RBM6: variants seen among roughly 807,000 people sequenced by gnomAD.
RBM6 encodes the protein RNA binding motif protein 6, also known as RNA-binding protein 6.
A neutral mutation model predicts 140.4 loss-of-function variants in RBM6; 23 were observed. That is an observed-to-expected ratio of 0.16 (90% confidence interval 0.12 to 0.23). The LOEUF is 0.23. Among genes scored for constraint, RBM6 ranks in the 10% least tolerant of loss-of-function variants. RBM6 has a pLI of 1.00. For missense variants in RBM6, 1,139 were observed against 1,386.7 expected, an observed-to-expected ratio of 0.82 and a Z score of 2.84; for synonymous variants, 439 against 475.6, an observed-to-expected ratio of 0.92 and a Z score of 1.00.
intron 1 of RBM6, among the ~76,000 whole-genome samples, chr3:49,949,377 G>C (rs2083632781): frequency 6.6e-6 from 1 of 151,642 alleles, no homozygotes; most frequent in South Asian, 2.1e-4. Context: ...AAATCCTTCA[G>C]GACAACATTT....
At chr3:50,013,655 G>T (rs1306182650) in intron 6 of RBM6, among the ~76,000 whole-genome samples, 2 of 152,118 alleles carry the variant, frequency 1.3e-5, no homozygotes, top group Non-Finnish European at 2.9e-5. Flanking sequence ...CGACAGCGAG[G>T]CTCTGTCTCA....
intron 6 of RBM6, among the ~76,000 whole-genome samples, chr3:50,007,768 C>T (rs1187202337): frequency 2.0e-5 from 3 of 151,262 alleles, no homozygotes; most frequent in Admixed American, 6.6e-5. Context: ...CTCCTGACCT[C>T]GTGATCCACC....
At chr3:50,009,909 A>G (rs1575679346) in intron 6 of RBM6, among the ~76,000 whole-genome samples, 1 of 151,790 alleles carries the variant, frequency 6.6e-6, no homozygotes, top group Admixed American at 6.6e-5. Flanking sequence ...ATTTTTTGAG[A>G]CAGAGTTTTG....
At chr3:49,958,586 C>T (rs1575546617) in intron 1 of RBM6, among the ~76,000 whole-genome samples, 2 of 145,384 alleles carry the variant, frequency 1.4e-5, no homozygotes. Context: ...AAACAAAAAA[C>T]AAAAAACCAC....
rs1280510499 is a variant in RBM6 at position 50,077,142 on chromosome 3, A to C, written c.*9A>C. On this transcript the variant is annotated 3_prime_UTR_variant, in exon 21 of 21. Coordinates refer to ENST00000266022, the MANE Select transcript of RBM6 (RefSeq NM_005777.3). ...ATAAAGAACTCGATTAAGAAAGGAGACAAGTTCCATGGGATACAACCTCCC... is the reference window on the plus strand; with the variant it reads ...ATAAAGAACTCGATTAAGAAAGGAGCCAAGTTCCATGGGATACAACCTCCC... 4.1e-5 allele frequency: 66 copies of C among 1,607,534 alleles called. No homozygotes were observed. Among genetic ancestry groups the C allele is most frequent in the Non-Finnish European group, 5.5e-5 (65 of 1,177,808 alleles).
At chr3:50,076,248 C>T (rs561923707) in intron 20 of RBM6, among the ~76,000 whole-genome samples, 11 of 150,778 alleles carry the variant, frequency 7.3e-5, no homozygotes, top group South Asian at 2.2e-4. Flanking sequence ...GGATTACAGG[C>T]GTGAGCCACT....
At chr3:50,004,474 ATTTTTT>A (rs1182296633) in intron 6 of RBM6, among the ~76,000 whole-genome samples, 1 of 103,332 alleles carries the variant, frequency 9.7e-6, no homozygotes, top group African/African-American at 3.8e-5. Flanking sequence ...ACAGCTGGCT[ATTTTTT>A]TTTTTTTTTT....
chr3:49,989,100 A>G (rs1431333317), intron 5 of RBM6, among the ~76,000 whole-genome samples: 1 of 152,104 alleles, frequency 6.6e-6, no homozygotes, highest in Non-Finnish European at 1.5e-5. Flanking sequence ...AAATCATCAC[A>G]TAGCAAAATC....
Position 49,957,543 on chromosome 3 carries a change from A to C in RBM6, c.-66-5033A>C, listed in dbSNP as rs187683830. On this transcript the variant is annotated intron_variant, in intron 1 of 20. Transcript: ENST00000266022. ...TAAAGATATGTTCTTTGCAGTTACCATGGGAATTACACTTAACATCTCACA... is the reference window on the plus strand; with the variant it reads ...TAAAGATATGTTCTTTGCAGTTACCCTGGGAATTACACTTAACATCTCACA... Among the ~76,000 whole-genome samples the C allele has an allele frequency of 1.5e-4, 23 of 152,224 alleles. No individual in the cohort carries two copies. The East Asian group carries it at 4.4e-3, about 29-fold the overall frequency.
At chr3:50,043,616 G>T (rs2089054711) in intron 6 of RBM6, among the ~76,000 whole-genome samples, 1 of 150,908 alleles carries the variant, frequency 6.6e-6, no homozygotes. Flanking sequence ...TCGGAATCTG[G>T]CTCTCTTGCC....
In RBM6 at chr3:49,956,328, C is replaced by CGT. The variant is rs2083986713; in HGVS notation, c.-66-6248_-66-6247insGT. ...TAGCCACTTTCTGCCCCCTCCCCCG[C>CGT]TTTTTTTTTTTTTTTTTTTTTTTTG... On this transcript the variant is annotated intron_variant, in intron 1 of 20. Coordinates refer to ENST00000266022, the MANE Select transcript of RBM6 (RefSeq NM_005777.3). Among the ~76,000 whole-genome samples, 9 of 72,050 alleles carry CGT rather than the reference C, an allele frequency of 1.2e-4. No individual in the cohort carries two copies. In the South Asian group the frequency reaches 1.4e-3, roughly 11 times the overall value. 47.3% of individuals were successfully genotyped at this position (72,050 alleles called of 152,430 possible). A position where few individuals can be genotyped will look rare whatever the true frequency, so the allele number is the denominator to read the frequency against.
chr3:50,058,335 C>A, intron 9 of RBM6, 67 bp from the exon 10 acceptor site: 2 of 1,501,950 alleles, frequency 1.3e-6, no homozygotes, highest in Admixed American at 1.7e-5. Flanking sequence ...CAGTCAGATT[C>A]TTGGGACTTC....
chr3:50,061,378 C>T, intron 13 of RBM6, 84 bp from the exon 14 acceptor site: 2 of 1,578,318 alleles, frequency 1.3e-6, no homozygotes, highest in Non-Finnish European at 1.7e-6. Flanking sequence ...TGTTGGTCAC[C>T]CTAATTCTTG....
At chr3:49,945,435 C>T (rs891621234) in intron 1 of RBM6, among the ~76,000 whole-genome samples, 3 of 152,060 alleles carry the variant, frequency 2.0e-5, no homozygotes, top group African/African-American at 7.2e-5. Context: ...GTTTTCCACA[C>T]TGGTTGCACC....
At chr3:49,983,805 T>G (rs2085417810) in intron 5 of RBM6, among the ~76,000 whole-genome samples, 1 of 151,960 alleles carries the variant, frequency 6.6e-6, no homozygotes, top group African/African-American at 2.4e-5. Flanking sequence ...ATCAAAATGT[T>G]TAGGAAGGCA....
intron 6 of RBM6, among the ~76,000 whole-genome samples, chr3:50,029,318 T>A (rs1285991009): frequency 6.6e-6 from 1 of 152,118 alleles, no homozygotes; most frequent in Non-Finnish European, 1.5e-5. Flanking sequence ...TAGGAGTAGA[T>A]GTGGAAGGAA....
intron 16 of RBM6, 41 bp from the exon 17 acceptor site, chr3:50,066,201 T>C (rs1215654457): frequency 7.7e-6 from 12 of 1,559,420 alleles, no homozygotes; most frequent in African/African-American, 1.4e-5. Flanking sequence ...CCCCAAAATA[T>C]AGGTTGAATT....
chr3:49,998,328 A>G (rs1018802792), intron 5 of RBM6, among the ~76,000 whole-genome samples: 1 of 152,196 alleles, frequency 6.6e-6, no homozygotes, highest in Non-Finnish European at 1.5e-5. Flanking sequence ...CAAAATTATC[A>G]TAGGGTTTTG....
intron 5 of RBM6, among the ~76,000 whole-genome samples, chr3:49,982,788 G>A (rs762899357): frequency 4.6e-5 from 7 of 151,728 alleles, no homozygotes; most frequent in Non-Finnish European, 8.8e-5. Context: ...TGCAATCTCA[G>A]CTCACTGCAG....
Sources: allele counts gnomAD v4.1 joint callset (sites outside exome capture counted in the v4.1 genomes callset), GRCh38; gene constraint gnomAD v4.1.1; transcripts MANE v1.5; gene names NCBI Gene and HGNC (gene_info 2026-07-23, HGNC 2026-07-21).